The following PMM2 variants were observed in gnomAD, a reference collection of about 807,000 sequenced individuals.
PMM2 encodes mannose-6-phosphate isomerase.
In PMM2, 35 loss-of-function variants were observed where a neutral mutation model predicts 33.2. The ratio of observed to expected loss-of-function variants is 1.06; its 90% CI spans 0.81 to 1.40. PMM2 has a LOEUF of 1.40. Ranked by LOEUF, PMM2 falls within the 40% of genes most tolerant of loss-of-function variation. PMM2 has a pLI of 0.00. For missense variants in PMM2, 386 were observed against 306.0 expected, an observed-to-expected ratio of 1.26 and a Z score of -1.95; for synonymous variants, 153 against 114.7, an observed-to-expected ratio of 1.33 and a Z score of -2.13.
At chr16:8,811,910 A>G (rs1333319543) in intron 6 of PMM2, among the ~76,000 whole-genome samples, 197 bp downstream of exon 6, 1 of 152,242 alleles carries the variant, frequency 6.6e-6, no homozygotes, top group Admixed American at 6.5e-5. Context: ...CCTAGTCAAG[A>G]AACAGCTTAC....
intron 4 of PMM2, chr16:8,807,088 C>T (rs144090873): frequency 3.9e-5 from 6 of 152,222 alleles, no homozygotes; most frequent in African/African-American, 1.2e-4. Flanking sequence ...CCTCCGCCTC[C>T]CAGGTTCAAG....
intron 7 of PMM2, 65 bp downstream of exon 7, chr16:8,813,171 C>T: frequency 2.9e-6 from 3 of 1,026,398 alleles, no homozygotes; most frequent in Admixed American, 1.7e-5. Flanking sequence ...AAATTGACAA[C>T]TGGGCTGTTT....
intron 7 of PMM2, among the ~76,000 whole-genome samples, chr16:8,839,929 C>G (rs1304810695): frequency 6.8e-5 from 10 of 146,150 alleles, no homozygotes; most frequent in Non-Finnish European, 1.5e-5. Flanking sequence ...CGGCAGCTTG[C>G]TGATGTGAAA....
In PMM2 at chr16:8,801,852, A is replaced by G. The variant is rs975864088; in HGVS notation, c.120A>G (p.Lys40=). ...TACAAAAATTGAGGCAGAAGATCAA[A>G]ATCGGAGTGGTAGGCGGATCGGACT... is the stretch of plus-strand genomic sequence containing the variant. ...DFLQKLRQKI[K]IGVVGGSDFE... is the part of the protein sequence containing the mutation. The change falls in exon 2 of 8, where the codon AAA becomes AAG. Residue 40 remains lysine (K), a synonymous_variant. Transcript: ENST00000268261. 11 of 1,612,626 alleles carry G rather than the reference A, an allele frequency of 6.8e-6. No homozygotes were observed. The African/African-American group carries it at 1.5e-4, about 22-fold the overall frequency.
rs1346383621 is a variant in PMM2, at chr16:8,811,135, G to A, written c.404G>A (p.Ser135Asn). 3 of 1,578,048 alleles carry A rather than the reference G, an allele frequency of 1.9e-6. No individual in the cohort carries two copies. The highest frequency in any genetic ancestry group is 2.6e-6 in the Non-Finnish European group (3 of 1,157,940). The part of the protein sequence containing the change: ...GMLNVSPIGR[S>N]CSQEERIEFY... Reference sequence around the variant, plus strand: ...TTAAACGTGTCCCCTATTGGAAGAAGCTGCAGCCAAGAAGAACGCATTGAG... The same window carrying A: ...TTAAACGTGTCCCCTATTGGAAGAAACTGCAGCCAAGAAGAACGCATTGAG... The change falls in exon 5 of 8, where the codon AGC becomes AAC. Residue 135 changes from serine to asparagine, a missense_variant. Coordinates refer to ENST00000268261, the MANE Select transcript of PMM2 (RefSeq NM_000303.3).
At chr16:8,826,346 A>G (rs73494596) in intron 7 of PMM2, among the ~76,000 whole-genome samples, 3,565 of 152,302 alleles carry the variant, frequency 0.023, 135 homozygotes, top group African/African-American at 0.08. Context: ...TTACATACCA[A>G]GTGCAGAGCC....
intron 7 of PMM2, among the ~76,000 whole-genome samples, chr16:8,836,509 G>A (rs554121911): frequency 6.6e-6 from 1 of 152,022 alleles, no homozygotes; most frequent in South Asian, 2.1e-4. Context: ...CTGGAGGAAC[G>A]CCTGGCTGCT....
At chr16:8,831,554 G>A (rs1029509723) in intron 7 of PMM2, among the ~76,000 whole-genome samples, 2 of 152,048 alleles carry the variant, frequency 1.3e-5, no homozygotes, top group Middle Eastern at 3.2e-3. Context: ...TAAGAGTCCC[G>A]ACCACGAGCT....
chr16:8,803,194 G>C (rs1455282023), intron 2 of PMM2, among the ~76,000 whole-genome samples: 1 of 152,140 alleles, frequency 6.6e-6, no homozygotes, highest in African/African-American at 2.4e-5. Flanking sequence ...AATCTGTATG[G>C]ACTGTATTTA....
At chr16:8,832,522 C>T (rs910666201) in intron 7 of PMM2, 39 of 985,306 alleles carry the variant, frequency 4.0e-5, no homozygotes, top group Non-Finnish European at 4.6e-5. Flanking sequence ...GTGACATCTG[C>T]AGGGAAGGGC....
intron 7 of PMM2, among the ~76,000 whole-genome samples, chr16:8,827,433 C>T (rs2060775433): frequency 6.7e-6 from 1 of 148,874 alleles, no homozygotes; most frequent in Admixed American, 6.7e-5. Context: ...GCTCTGTCAC[C>T]CAGGCTAGAT....
intron 7 of PMM2, among the ~76,000 whole-genome samples, chr16:8,844,108 A>T (rs2060908160): frequency 6.6e-6 from 1 of 152,200 alleles, no homozygotes; most frequent in African/African-American, 2.4e-5. Context: ...AAAAATTGAA[A>T]GTGCCGTTTT....
chr16:8,831,733 C>T (rs531792356), intron 7 of PMM2, among the ~76,000 whole-genome samples: 2 of 152,172 alleles, frequency 1.3e-5, no homozygotes, highest in Admixed American at 6.5e-5. Context: ...AAATGGGCTG[C>T]GGTGGGGAGA....
chr16:8,819,024 C>CTT (rs1426505417), intron 7 of PMM2, among the ~76,000 whole-genome samples: 1 of 152,340 alleles, frequency 6.6e-6, no homozygotes, highest in East Asian at 1.9e-4. Flanking sequence ...GTCATCTTGG[C>CTT]TTTAAGGCAG....
intron 1 of PMM2, among the ~76,000 whole-genome samples, chr16:8,798,702 A>G (rs907225336): frequency 1.3e-5 from 2 of 152,162 alleles, no homozygotes; most frequent in Non-Finnish European, 2.9e-5. Context: ...ACAGGCACAG[A>G]TAAGTTTCAG....
chr16:8,830,967 C>T (rs1222604195), intron 7 of PMM2, among the ~76,000 whole-genome samples: 2 of 152,062 alleles, frequency 1.3e-5, no homozygotes, highest in Non-Finnish European at 2.9e-5. Context: ...GGTGAAACCC[C>T]GCCTCTACTA....
chr16:8,823,474 A>G (rs2060749529), intron 7 of PMM2, among the ~76,000 whole-genome samples: 1 of 152,118 alleles, frequency 6.6e-6, no homozygotes, highest in Admixed American at 6.6e-5. Context: ...TCCCATCCTT[A>G]TTTTTATTAA....
chr16:8,837,004 AT>A (rs1278828546), intron 7 of PMM2, among the ~76,000 whole-genome samples: 1 of 151,950 alleles, frequency 6.6e-6, no homozygotes, highest in Non-Finnish European at 1.5e-5. Flanking sequence ...TGATAAAAGG[AT>A]TATAGGGTGG....
At chr16:8,842,963 C>A (rs1046743715) in intron 7 of PMM2, among the ~76,000 whole-genome samples, 1 of 151,958 alleles carries the variant, frequency 6.6e-6, no homozygotes, top group Non-Finnish European at 1.5e-5. Flanking sequence ...GAGAGGAAGA[C>A]GCAAAGGAGG....
Sources: allele counts gnomAD v4.1 joint callset (sites outside exome capture counted in the v4.1 genomes callset), GRCh38; gene constraint gnomAD v4.1.1; transcripts MANE v1.5; gene names NCBI Gene and HGNC (gene_info 2026-07-23, HGNC 2026-07-21).